SLC35D1: variants seen among roughly 807,000 people sequenced by gnomAD.
SLC35D1 encodes the protein nucleotide sugar transporter SLC35D1.
In SLC35D1, 31 loss-of-function variants were observed where a neutral mutation model predicts 46.7. The observed-to-expected ratio is 0.66, with a 90% CI of 0.50 to 0.90. The LOEUF is 0.90. Among genes scored for constraint, SLC35D1 ranks in the 40% least tolerant of loss-of-function variants. SLC35D1 has a pLI of 0.00. For synonymous variants in SLC35D1, 195 were observed against 164.6 expected (o/e 1.18, Z -1.41); for missense variants, 397 against 426.2 (o/e 0.93, Z 0.60).
At chr1:67,019,254 A>C (rs2102274456) in intron 10 of SLC35D1, among the ~76,000 whole-genome samples, 1 of 152,308 alleles carries the variant, frequency 6.6e-6, no homozygotes, top group African/African-American at 2.4e-5. Flanking sequence ...CTGAAGACGA[A>C]AGCCATCCAC....
At chr1:67,047,464 T>C in intron 6 of SLC35D1, 97 bp from the exon 7 acceptor site, 1 of 1,058,396 alleles carries the variant, frequency 9.4e-7, no homozygotes, top group African/African-American at 1.6e-5. Context: ...CATATTCTCA[T>C]CTAGGGAAGT....
In SLC35D1 at chr1:67,003,077, G is replaced by A. The variant is rs1216062663; in HGVS notation, c.*1263C>T. 1 of 152,376 alleles carries A rather than the reference G, an allele frequency of 6.6e-6. No individual in the cohort carries two copies. Among genetic ancestry groups the A allele is most frequent in the Non-Finnish European group, 1.5e-5 (1 of 68,060 alleles). 9.4% of individuals were successfully genotyped at this position (152,376 alleles called of 1,614,324 possible). A position where few individuals can be genotyped will look rare whatever the true frequency, so the allele number is the denominator to read the frequency against. The stretch of plus-strand genomic sequence containing the variant: ...CATGATGTAGGTGAGAATGTTGAAA[G>A]GAGGGAAGTTTGCTCATTGCTCATG... On this transcript the variant is annotated 3_prime_UTR_variant, in exon 12 of 12. Transcript: ENST00000235345.
chr1:67,041,453 T>C (rs1645176211), intron 8 of SLC35D1, among the ~76,000 whole-genome samples: 1 of 152,164 alleles, frequency 6.6e-6, no homozygotes, highest in African/African-American at 2.4e-5. Flanking sequence ...CACAAACTTG[T>C]AAAAATCACG....
At chr1:66,974,133 G>A in the SLC35D1 span, among the ~76,000 whole-genome samples, 2 of 151,600 alleles carry the variant, frequency 1.3e-5, no homozygotes, top group Non-Finnish European at 2.9e-5. Context: ...GCAGTGAAGA[G>A]CCCCACTCCC....
chr1:66,988,044 T>A, the SLC35D1 span: 1 of 152,438 alleles, frequency 6.6e-6, no homozygotes, highest in African/African-American at 2.4e-5. Flanking sequence ...TTCTTTGCTA[T>A]CGATGGATAA....
intron 10 of SLC35D1, among the ~76,000 whole-genome samples, chr1:67,018,348 G>A (rs1402653278): frequency 6.6e-6 from 1 of 152,098 alleles, no homozygotes; most frequent in African/African-American, 2.4e-5. Flanking sequence ...GTTGCCCAAG[G>A]AACTTCAGAA....
chr1:67,054,085 G>C lies in SLC35D1; in HGVS notation c.-72C>G. ...GGGCCTGCAGCGGCAGCTCCCAGGG[G>C]ACTCCAGGAGTTGGGGACCGCAGAC... On this transcript the variant is annotated 5_prime_UTR_variant, in exon 1 of 12. Coordinates refer to ENST00000235345, the MANE Select transcript of SLC35D1 (RefSeq NM_015139.3). The C allele has an allele frequency of 1.3e-6, 2 of 1,506,900 alleles. No individual in the cohort carries two copies. Among genetic ancestry groups the C allele is most frequent in the Non-Finnish European group, 1.8e-6 (2 of 1,100,148 alleles). 93.3% of individuals were successfully genotyped at this position (1,506,900 alleles called of 1,614,324 possible).
chr1:67,030,869 T>C (rs1235471886), intron 8 of SLC35D1, among the ~76,000 whole-genome samples: 1 of 152,194 alleles, frequency 6.6e-6, no homozygotes, highest in Non-Finnish European at 1.5e-5. Context: ...CCTTATGGTT[T>C]ACCAAGTGCT....
At chr1:66,995,715 C>A (rs1313327360), downstream of SLC35D1, among the ~76,000 whole-genome samples, 1 of 152,056 alleles carries the variant, frequency 6.6e-6, no homozygotes, top group Non-Finnish European at 1.5e-5. Flanking sequence ...TCAGGCAAAT[C>A]CTAGTTGTTT....
chr1:67,053,788 GGCCGCC>G lies in SLC35D1; in HGVS notation c.203+17_203+22del. On this transcript the variant is annotated intron_variant, in intron 1 of 11. Transcript: ENST00000235345. ...CCGCCCGCTCCTCCTCCGCGGCCTG[GGCCGCC>G]GCCGCCTCGGCCCTACCTGTAATTG... The G allele has an allele frequency of 6.4e-7, 1 of 1,551,184 alleles. No individual in the cohort carries two copies. Among genetic ancestry groups the G allele is most frequent in the Non-Finnish European group, 8.7e-7 (1 of 1,150,928 alleles).
At chr1:67,011,886 G>C (rs987308219) in intron 10 of SLC35D1, among the ~76,000 whole-genome samples, 1 of 151,960 alleles carries the variant, frequency 6.6e-6, no homozygotes, top group Non-Finnish European at 1.5e-5. Flanking sequence ...TATTCAAATT[G>C]TTTGATTCAT....
the SLC35D1 span, among the ~76,000 whole-genome samples, chr1:66,993,785 A>G: frequency 2.0e-5 from 3 of 152,208 alleles, no homozygotes; most frequent in Non-Finnish European, 4.4e-5. Flanking sequence ...CTAAAAAAAA[A>G]TGTGTAGCAT....
chr1:67,013,158 A>ATAGATATATATATATATATATATATATG (rs1553264893), intron 10 of SLC35D1, among the ~76,000 whole-genome samples: 6 of 103,620 alleles, frequency 5.8e-5, no homozygotes, highest in South Asian at 2.8e-4. Context: ...TATCCTGGAG[A>ATAGATATATATATATATATATATATATG]TATATATATA....
the SLC35D1 span, among the ~76,000 whole-genome samples, chr1:66,993,067 T>C: frequency 2.1e-4 from 32 of 152,240 alleles, no homozygotes; most frequent in Non-Finnish European, 4.3e-4. Context: ...AAGATGTGTG[T>C]TGTAGAATAG....
intron 4 of SLC35D1, 66 bp downstream of exon 4, chr1:67,051,946 G>T: frequency 9.1e-7 from 1 of 1,095,378 alleles, no homozygotes; most frequent in South Asian, 1.3e-5. Flanking sequence ...TTAAATATTT[G>T]ACATTCAAGT....
At chr1:67,045,932 A>G (rs938229419) in intron 7 of SLC35D1, among the ~76,000 whole-genome samples, 5 of 152,210 alleles carry the variant, frequency 3.3e-5, no homozygotes, top group African/African-American at 9.6e-5. Context: ...TTTCCAAAGC[A>G]GCAAATGGGC....
chr1:67,016,824 A>T (rs572492874), intron 10 of SLC35D1, among the ~76,000 whole-genome samples: 14 of 152,266 alleles, frequency 9.2e-5, no homozygotes, highest in Non-Finnish European at 1.9e-4. Context: ...ACTTTGACTA[A>T]AATAACATAT....
At chr1:67,045,256 C>T (rs1286317853) in intron 7 of SLC35D1, among the ~76,000 whole-genome samples, 3 of 152,210 alleles carry the variant, frequency 2.0e-5, no homozygotes, top group Non-Finnish European at 4.4e-5. Context: ...TTAAAGTACA[C>T]TGACTGAAAC....
the SLC35D1 span, among the ~76,000 whole-genome samples, chr1:66,974,537 T>C: frequency 6.6e-6 from 1 of 152,066 alleles, no homozygotes; most frequent in Non-Finnish European, 1.5e-5. Context: ...AATGATAGCT[T>C]ATGTAACAAG....
Sources: allele counts gnomAD v4.1 joint callset (sites outside exome capture counted in the v4.1 genomes callset), GRCh38; gene constraint gnomAD v4.1.1; transcripts MANE v1.5; gene names NCBI Gene and HGNC (gene_info 2026-07-23, HGNC 2026-07-21).